The following DIS3L2 variants were observed in gnomAD, a reference collection of about 807,000 sequenced individuals.
The protein encoded by DIS3L2 is DIS3-like exonuclease 2.
DIS3L2 carries 34 observed loss-of-function variants against 97.5 expected under a neutral mutation model. The observed-to-expected ratio is 0.35, with a 90% CI of 0.27 to 0.46. The LOEUF is 0.46. Ranked by LOEUF, DIS3L2 falls within the 20% of genes least tolerant of loss-of-function variation. The pLI is 1.00. For synonymous variants in DIS3L2, 435 were observed against 445.2 expected (o/e 0.98, Z 0.29); for missense variants, 1,038 against 1,146.0 (o/e 0.91, Z 1.36).
At chr2:232,027,199 A>G (rs1321132428) in intron 4 of DIS3L2, among the ~76,000 whole-genome samples, 4 of 152,224 alleles carry the variant, frequency 2.6e-5, no homozygotes, top group Non-Finnish European at 5.9e-5. Context: ...CTGAGTATAC[A>G]TATCTCATAT....
At chr2:232,337,800 CGCA>C (rs1173609345), downstream of DIS3L2, among the ~76,000 whole-genome samples, 1 of 151,676 alleles carries the variant, frequency 6.6e-6, no homozygotes, top group East Asian at 1.9e-4. Context: ...CAGAGTGCCT[CGCA>C]GCGACAGTGA....
Position 232,325,955 on chromosome 2 carries a change from G to A in DIS3L2, c.1740-3858G>A, listed in dbSNP as rs183941697. Among the ~76,000 whole-genome samples the A allele has an allele frequency of 4.8e-3, 728 of 152,336 alleles. 5 individuals carry two copies. The highest frequency in any genetic ancestry group is 7.6e-3 in the Non-Finnish European group (515 of 68,014). ...CCCCAGTGCCCACTCTGCGCCCTTC[G>A]GGGCTCCCGTGGCCCAGAGTGTGGA... On this transcript the variant is annotated intron_variant, in intron 14 of 20. Transcript: ENST00000325385. The surrounding 1 kb of genome is among the most constrained non-coding windows in gnomAD (Gnocchi z 4.6).
Position 232,223,393 on chromosome 2 carries a change from A to G in DIS3L2, c.1204+12988A>G, listed in dbSNP as rs1406187922. Among the ~76,000 whole-genome samples the G allele has an allele frequency of 3.9e-5, 6 of 152,208 alleles. No homozygotes were observed. In the East Asian group the frequency reaches 1.2e-3, roughly 29 times the overall value. On this transcript the variant is annotated intron_variant, in intron 10 of 20. Transcript: ENST00000325385. ...TCTCTGAAATTCTCTTTCCTCAGCT[A>G]TAAAATGGTGGTTTGAACTAGACAG...
intron 11 of DIS3L2, among the ~76,000 whole-genome samples, chr2:232,241,269 C>T (rs905560270): frequency 6.6e-6 from 1 of 152,266 alleles, no homozygotes; most frequent in East Asian, 1.9e-4. Flanking sequence ...TGTTTCCGCC[C>T]TCCAGATTCT....
intron 13 of DIS3L2, among the ~76,000 whole-genome samples, chr2:232,297,571 A>G (rs1455593183): frequency 2.0e-5 from 3 of 152,210 alleles, no homozygotes; most frequent in African/African-American, 7.2e-5. Context: ...AATAAGGAGG[A>G]AAACCTATTA....
At chr2:232,181,710 C>T (rs1691278512) in intron 9 of DIS3L2, among the ~76,000 whole-genome samples, 1 of 152,108 alleles carries the variant, frequency 6.6e-6, no homozygotes, top group Non-Finnish European at 1.5e-5. Context: ...GCGATCTCAG[C>T]TCACTGCAAC....
At chr2:232,102,055 C>T (rs1697218777) in intron 6 of DIS3L2, among the ~76,000 whole-genome samples, 1 of 152,188 alleles carries the variant, frequency 6.6e-6, no homozygotes. Flanking sequence ...AGCTTAGCAT[C>T]ATTAATTGGG....
intron 13 of DIS3L2, among the ~76,000 whole-genome samples, chr2:232,342,210 C>CACAT (rs1553553355): frequency 1.1e-4 from 13 of 115,912 alleles, no homozygotes; most frequent in African/African-American, 4.9e-4. Flanking sequence ...TACATATATA[C>CACAT]ACATATATAC....
chr2:232,200,730 C>A (rs1440295337), intron 9 of DIS3L2, among the ~76,000 whole-genome samples: 1 of 149,828 alleles, frequency 6.7e-6, no homozygotes, highest in African/African-American at 2.4e-5. Flanking sequence ...GGCTATGATT[C>A]ATTCAGGCAA....
chr2:232,056,208 T>A (rs547168596), intron 5 of DIS3L2, among the ~76,000 whole-genome samples: 5 of 151,974 alleles, frequency 3.3e-5, no homozygotes, highest in Non-Finnish European at 7.4e-5. Flanking sequence ...CCGTTTCTAC[T>A]AAAAATACGA....
chr2:232,091,022 C>T (rs180698890), intron 6 of DIS3L2, among the ~76,000 whole-genome samples: 1 of 152,270 alleles, frequency 6.6e-6, no homozygotes, highest in East Asian at 1.9e-4. Context: ...TATCCCCAGC[C>T]CCTGAGAGAG....
At chr2:231,975,583 T>C (rs974185770) in intron 1 of DIS3L2, among the ~76,000 whole-genome samples, 10 of 151,654 alleles carry the variant, frequency 6.6e-5, no homozygotes, top group Non-Finnish European at 1.3e-4. Flanking sequence ...CAGGCACCTG[T>C]AGTCCCAGCT....
intron 12 of DIS3L2, among the ~76,000 whole-genome samples, chr2:232,252,717 A>C (rs1265096541): frequency 6.6e-6 from 1 of 152,150 alleles, no homozygotes; most frequent in Non-Finnish European, 1.5e-5. Context: ...CTTGGGCAAC[A>C]TATTGAAACC....
intron 1 of DIS3L2, among the ~76,000 whole-genome samples, chr2:232,011,097 C>T (rs1049814301): frequency 1.3e-5 from 2 of 152,108 alleles, no homozygotes; most frequent in African/African-American, 2.4e-5. Flanking sequence ...CATTATTGAC[C>T]GCTATTGCCT....
intron 13 of DIS3L2, among the ~76,000 whole-genome samples, chr2:232,299,117 T>C (rs1171142850): frequency 6.6e-6 from 1 of 152,224 alleles, no homozygotes; most frequent in Non-Finnish European, 1.5e-5. Flanking sequence ...CTTTCTTTCC[T>C]TACCACTGCC....
At chr2:232,136,436 G>A (rs1698359998) in intron 7 of DIS3L2, 36 bp from the exon 8 acceptor site, 1 of 1,608,262 alleles carries the variant, frequency 6.2e-7, no homozygotes, top group African/African-American at 1.3e-5. Context: ...CAGTTCTGCA[G>A]ATAAACAACA....
chr2:231,987,760 G>A (rs2106186829), intron 1 of DIS3L2, among the ~76,000 whole-genome samples: 1 of 152,302 alleles, frequency 6.6e-6, no homozygotes, highest in South Asian at 2.1e-4. Flanking sequence ...TTTTGAAGTG[G>A]TAGGGAGAAG....
At chr2:232,162,448 C>A (rs927470799) in intron 8 of DIS3L2, among the ~76,000 whole-genome samples, 11 of 152,334 alleles carry the variant, frequency 7.2e-5, no homozygotes, top group African/African-American at 2.4e-4. Flanking sequence ...TATGAGGCAA[C>A]CACCTCCCCT....
intron 4 of DIS3L2, among the ~76,000 whole-genome samples, chr2:232,025,436 C>G (rs992631680): frequency 2.0e-5 from 3 of 152,130 alleles, no homozygotes; most frequent in African/African-American, 7.2e-5. Flanking sequence ...TAGTCCTTTT[C>G]CCCTGCCTTC....
Sources: allele counts gnomAD v4.1 joint callset (sites outside exome capture counted in the v4.1 genomes callset), GRCh38; gene constraint gnomAD v4.1.1; non-coding constraint Gnocchi (gnomAD v3.1); transcripts MANE v1.5; gene names NCBI Gene and HGNC (gene_info 2026-07-23, HGNC 2026-07-21).